Variants in PGM5 observed in about 807,000 individuals in gnomAD.
PGM5 encodes the protein phosphoglucomutase 5.
In PGM5, 23 loss-of-function variants were observed where a neutral mutation model predicts 59.2. The ratio of observed to expected loss-of-function variants is 0.39; its 90% CI spans 0.28 to 0.55. PGM5 has a LOEUF of 0.55. Ranked by LOEUF, PGM5 falls within the 20% of genes least tolerant of loss-of-function variation. The pLI is 0.66. For synonymous variants in PGM5, 214 were observed against 286.0 expected (o/e 0.75, Z 2.54); for missense variants, 574 against 748.3 (o/e 0.77, Z 2.72).
At chr9:68,442,810 C>T (rs1223993488) in intron 6 of PGM5, among the ~76,000 whole-genome samples, 3 of 152,164 alleles carry the variant, frequency 2.0e-5, no homozygotes, top group African/African-American at 7.2e-5. Context: ...ATGTGTTCAA[C>T]ATCATTAACC....
intron 6 of PGM5, among the ~76,000 whole-genome samples, chr9:68,457,582 T>TA (rs1823798735): frequency 6.6e-6 from 1 of 152,222 alleles, no homozygotes; most frequent in Admixed American, 6.5e-5. Flanking sequence ...CCTCATGTCT[T>TA]ATGACATAGA....
chr9:68,395,411 G>A (rs1822474441), intron 6 of PGM5, among the ~76,000 whole-genome samples: 1 of 151,990 alleles, frequency 6.6e-6, no homozygotes, highest in Admixed American at 6.6e-5. Context: ...TCAAATTAAA[G>A]GGAAATTATA....
At chr9:68,448,362 A>G (rs2132068118) in intron 6 of PGM5, among the ~76,000 whole-genome samples, 1 of 152,230 alleles carries the variant, frequency 6.6e-6, no homozygotes, top group African/African-American at 2.4e-5. Flanking sequence ...ACACTTAGGG[A>G]AGGCTGCGTG....
intron 4 of PGM5, among the ~76,000 whole-genome samples, chr9:68,389,814 G>A (rs557583647): frequency 9.2e-5 from 14 of 152,132 alleles, no homozygotes; most frequent in South Asian, 8.3e-4. Flanking sequence ...TATAAGAAAC[G>A]GCCAAATCAT....
At chr9:68,426,613 ATTT>A (rs58295629) in intron 6 of PGM5, among the ~76,000 whole-genome samples, 24 of 136,206 alleles carry the variant, frequency 1.8e-4, no homozygotes, top group African/African-American at 3.2e-4. Context: ...TCTCTTTATT[ATTT>A]TTTTTTTTTT....
chr9:68,514,987 C>T (rs897997482), intron 10 of PGM5, among the ~76,000 whole-genome samples: 66 of 152,180 alleles, frequency 4.3e-4, no homozygotes, highest in African/African-American at 1.4e-3. Context: ...GTTTTCTTCA[C>T]ACAATTATAC....
intron 8 of PGM5, among the ~76,000 whole-genome samples, 177 bp downstream of exon 8, chr9:68,479,730 C>G (rs541547420): frequency 6.6e-6 from 1 of 152,148 alleles, no homozygotes; most frequent in Non-Finnish European, 1.5e-5. Context: ...GTCAGGAGAT[C>G]GAGACCATCC....
At position 68,420,834 on chromosome 9, in the gene PGM5, T is replaced by A. The variant is rs1823115709; in HGVS notation, c.1043+28361T>A. Among the ~76,000 whole-genome samples the A allele has an allele frequency of 2.0e-5, 3 of 152,314 alleles. No homozygotes were observed. In the South Asian group the frequency reaches 6.2e-4, roughly 32 times the overall value. ...TAATCTCTCCAAATTTCCTTGTTTA[T>A]AAAATGAAGATGTAAATGCCTCAAT... On this transcript the variant is annotated intron_variant, in intron 6 of 10. Transcript: ENST00000396396.
chr9:68,487,212 T>C (rs1824309631), intron 9 of PGM5, among the ~76,000 whole-genome samples: 1 of 152,126 alleles, frequency 6.6e-6, no homozygotes, highest in Non-Finnish European at 1.5e-5. Context: ...ATTTGTGATT[T>C]TAGGCATATT....
chr9:68,364,968 T>A (rs1169968339), intron 1 of PGM5, among the ~76,000 whole-genome samples: 1 of 152,198 alleles, frequency 6.6e-6, no homozygotes, highest in African/African-American at 2.4e-5. Flanking sequence ...CAGACACACA[T>A]CAGCAACATT....
chr9:68,362,134 G>A (rs1332419895), intron 1 of PGM5, among the ~76,000 whole-genome samples: 1 of 147,810 alleles, frequency 6.8e-6, no homozygotes, highest in African/African-American at 2.5e-5. Flanking sequence ...GTTTTAGCTG[G>A]CATTTTTCTA....
At chr9:68,452,083 G>A (rs1823705679) in intron 6 of PGM5, among the ~76,000 whole-genome samples, 1 of 152,178 alleles carries the variant, frequency 6.6e-6, no homozygotes, top group Non-Finnish European at 1.5e-5. Flanking sequence ...TATTCCTCCT[G>A]CTCCATTCAC....
At chr9:68,416,012 G>A (rs1823024429) in intron 6 of PGM5, among the ~76,000 whole-genome samples, 1 of 151,922 alleles carries the variant, frequency 6.6e-6, no homozygotes. Flanking sequence ...GTCCAGTTCA[G>A]TTGTGGCCTG....
chr9:68,379,933 T>C (rs2131995105), intron 2 of PGM5, among the ~76,000 whole-genome samples: 1 of 152,036 alleles, frequency 6.6e-6, no homozygotes, highest in East Asian at 1.9e-4. Flanking sequence ...GCATCCAACA[T>C]TGAAGCACTT....
intron 7 of PGM5, among the ~76,000 whole-genome samples, chr9:68,475,756 A>T (rs1303919497): frequency 6.6e-6 from 1 of 152,194 alleles, no homozygotes; most frequent in African/African-American, 2.4e-5. Context: ...TTCTTGTTTG[A>T]TTTATTTTGT....
intron 10 of PGM5, among the ~76,000 whole-genome samples, chr9:68,527,388 G>A (rs1825000138): frequency 6.6e-6 from 1 of 152,038 alleles, no homozygotes; most frequent in African/African-American, 2.4e-5. Flanking sequence ...CTCTTTTTCT[G>A]TCTGAGTTTA....
At chr9:68,458,820 A>T (rs1313617527) in intron 6 of PGM5, among the ~76,000 whole-genome samples, 2 of 152,192 alleles carry the variant, frequency 1.3e-5, no homozygotes, top group Non-Finnish European at 2.9e-5. Flanking sequence ...CATCCAAAAA[A>T]TGGGTTTAAG....
intron 6 of PGM5, among the ~76,000 whole-genome samples, chr9:68,395,493 T>C (rs1381879036): frequency 6.6e-6 from 1 of 152,150 alleles, no homozygotes; most frequent in Non-Finnish European, 1.5e-5. Flanking sequence ...CTACTGGGAT[T>C]TTGATTGGGA....
intron 7 of PGM5, among the ~76,000 whole-genome samples, chr9:68,475,184 ATTTTTTTTTTT>A (rs782687667): frequency 1.5e-4 from 17 of 112,766 alleles, no homozygotes; most frequent in African/African-American, 6.4e-4. Context: ...TGCCTGGCTA[ATTTTTTTTTTT>A]TTTTTTTTTT....
Sources: allele counts gnomAD v4.1 joint callset (sites outside exome capture counted in the v4.1 genomes callset), GRCh38; gene constraint gnomAD v4.1.1; transcripts MANE v1.5; gene names NCBI Gene and HGNC (gene_info 2026-07-23, HGNC 2026-07-21).